MATN2: variants seen among roughly 807,000 people sequenced by gnomAD.
The protein encoded by MATN2 is matrilin-2.
MATN2 carries 69 observed loss-of-function variants against 103.2 expected under a neutral mutation model. The ratio of observed to expected loss-of-function variants is 0.67; its 90% CI spans 0.55 to 0.82. The LOEUF (loss-of-function observed/expected upper bound fraction) is 0.82. Ranked by LOEUF, MATN2 falls within the 40% of genes least tolerant of loss-of-function variation. MATN2 has a pLI of 0.00. For synonymous variants in MATN2, 429 were observed against 450.2 expected, an observed-to-expected ratio of 0.95 and a Z score of 0.60; for missense variants, 1,023 against 1,211.5, an observed-to-expected ratio of 0.84 and a Z score of 2.31.
At chr8:97,974,560 C>T (rs1156641261) in intron 5 of MATN2, among the ~76,000 whole-genome samples, 5 of 152,136 alleles carry the variant, frequency 3.3e-5, no homozygotes, top group Non-Finnish European at 7.3e-5. Flanking sequence ...GATTCTGCTG[C>T]TTCAGTCTCC....
chr8:98,027,137 G>C (rs1262657378), intron 13 of MATN2, among the ~76,000 whole-genome samples: 8 of 151,868 alleles, frequency 5.3e-5, no homozygotes, highest in Non-Finnish European at 1.0e-4. Context: ...AGTGTTCCAG[G>C]GTACAATGTA....
intron 5 of MATN2, among the ~76,000 whole-genome samples, chr8:97,973,755 A>T (rs930916767): frequency 1.3e-5 from 2 of 151,958 alleles, no homozygotes; most frequent in African/African-American, 4.8e-5. Context: ...TTTTTTGTAG[A>T]GATGGGGTCT....
Position 97,931,134 on chromosome 8 carries a change from G to C in MATN2, c.324G>C (p.Glu108Asp), listed in dbSNP as rs200323821. Residue 108 changes from glutamate (E) to aspartate (D), a missense_variant, in exon 3 of 19, where the codon GAG becomes GAC. Transcript: ENST00000254898. The surrounding 1 kb of genome is among the most constrained non-coding windows in gnomAD (Gnocchi z 4.1). Reference protein sequence around the residue: ...LLQYGSTVKNEFSLKTFKRKS... With the variant: ...LLQYGSTVKNDFSLKTFKRKS... The stretch of plus-strand genomic sequence containing the variant: ...AATATGGCAGCACTGTCAAGAATGA[G>C]TTCTCCCTCAAGACCTTCAAGAGGA... The C allele has an allele frequency of 4.4e-4, 706 of 1,614,018 alleles. 1 individual carries two copies. The highest frequency in any genetic ancestry group is 5.7e-4 in the Non-Finnish European group (676 of 1,179,878).
rs749414203 is a variant in MATN2 at position 98,007,241 on chromosome 8, C to T, written c.1450+14C>T. On this transcript the variant is annotated intron_variant, in intron 9 of 18. Transcript: ENST00000254898. The surrounding 1 kb of genome is among the most constrained non-coding windows in gnomAD (Gnocchi z 4.2). ...AGACCTGCTCCCGTGAGTCCCTCCG[C>T]GCTCCTCTCATAGGGGAAGGTTTGC... The T allele has an allele frequency of 8.7e-6, 14 of 1,613,500 alleles. No individual in the cohort carries two copies. The highest frequency in any genetic ancestry group is 6.7e-5 in the East Asian group (3 of 44,884).
chr8:97,888,373 G>T (rs1818517334), intron 2 of MATN2, 131 bp downstream of exon 2: 1 of 1,083,342 alleles, frequency 9.2e-7, no homozygotes, highest in Admixed American at 3.9e-5. Flanking sequence ...TGGGCCTGGG[G>T]TCCTCACTGG....
At chr8:97,876,762 G>A (rs1416724271) in intron 1 of MATN2, among the ~76,000 whole-genome samples, 2 of 152,026 alleles carry the variant, frequency 1.3e-5, no homozygotes, top group Non-Finnish European at 2.9e-5. Flanking sequence ...CAGAATCCCC[G>A]CTCAGGCTCT....
chr8:97,891,618 G>A (rs76604990), intron 2 of MATN2, among the ~76,000 whole-genome samples: 6,811 of 152,136 alleles, frequency 0.045, 202 homozygotes, highest in African/African-American at 0.084. Flanking sequence ...GATTCTAGGC[G>A]TGAGCCACTG....
chr8:97,873,672 G>A (rs1367990021), intron 1 of MATN2, among the ~76,000 whole-genome samples: 1 of 152,164 alleles, frequency 6.6e-6, no homozygotes, highest in African/African-American at 2.4e-5. Flanking sequence ...GACCAGAGGG[G>A]TCAAGGCTAT....
intron 4 of MATN2, among the ~76,000 whole-genome samples, chr8:97,958,712 G>T (rs537636654): frequency 6.6e-6 from 1 of 152,190 alleles, no homozygotes; most frequent in South Asian, 2.1e-4. Flanking sequence ...TCCCAGGCCT[G>T]AGAGGATCTG....
rs776076821 is a variant in MATN2 at position 98,016,673 on chromosome 8, A to G, written c.1696+11A>G. ...GAAAAACCTGCAGAAGTAAGTTTGT[A>G]CTGGAGCTGGCTCCTACTACTATGC... On this transcript the variant is annotated intron_variant, in intron 11 of 18. Transcript: ENST00000254898. The G allele has an allele frequency of 5.6e-6, 9 of 1,608,690 alleles. No individual in the cohort carries two copies. Among genetic ancestry groups the G allele is most frequent in the Admixed American group, 1.7e-5 (1 of 59,428 alleles).
chr8:97,870,919 C>T (rs553227429), intron 1 of MATN2, among the ~76,000 whole-genome samples: 1 of 152,324 alleles, frequency 6.6e-6, no homozygotes, highest in South Asian at 2.1e-4. Flanking sequence ...TCCTATCTGT[C>T]CACACTTTTT....
At chr8:98,029,233 C>A (rs1243953857) in intron 14 of MATN2, among the ~76,000 whole-genome samples, 1 of 152,190 alleles carries the variant, frequency 6.6e-6, no homozygotes, top group Non-Finnish European at 1.5e-5. Flanking sequence ...TGCCCTGAAT[C>A]ATCTGGATAG....
At chr8:98,008,390 C>T (rs1472134197) in intron 10 of MATN2, among the ~76,000 whole-genome samples, 1 of 152,188 alleles carries the variant, frequency 6.6e-6, no homozygotes, top group Non-Finnish European at 1.5e-5. Flanking sequence ...AAAAGGACCA[C>T]CATTTATCTT....
intron 10 of MATN2, among the ~76,000 whole-genome samples, chr8:98,012,934 G>T (rs192454494): frequency 2.7e-4 from 41 of 152,290 alleles, no homozygotes; most frequent in Non-Finnish European, 4.9e-4. Flanking sequence ...TGAACTTCCA[G>T]CACCCAAACA....
chr8:97,915,965 G>C (rs1220267877), intron 2 of MATN2, among the ~76,000 whole-genome samples: 1 of 152,008 alleles, frequency 6.6e-6, no homozygotes, highest in Non-Finnish European at 1.5e-5. Context: ...GTTTGATAGA[G>C]AATATCAAAA....
intron 3 of MATN2, among the ~76,000 whole-genome samples, chr8:97,933,765 C>G (rs1810280481): frequency 6.6e-6 from 1 of 152,144 alleles, no homozygotes; most frequent in Non-Finnish European, 1.5e-5. Flanking sequence ...CTGCAGGAGA[C>G]AGGGCTGCTG....
chr8:97,925,162 C>T (rs1809950439), intron 2 of MATN2, among the ~76,000 whole-genome samples: 2 of 151,940 alleles, frequency 1.3e-5, no homozygotes, highest in South Asian at 2.1e-4. Flanking sequence ...AGGTACACAG[C>T]GGGTGGATTG....
chr8:97,928,588 T>A (rs1181804756), intron 2 of MATN2, among the ~76,000 whole-genome samples: 1 of 152,150 alleles, frequency 6.6e-6, no homozygotes, highest in African/African-American at 2.4e-5. Context: ...AGGGCTTGGC[T>A]GGATTTCAGT....
In MATN2 at chr8:97,920,935, G is replaced by A. The variant is rs1809786586; in HGVS notation, c.143-10018G>A. ...GGTGTCGGTCACAGATGCCAGGGCTGGGGACATGGGGGTGACATGCAAGGC... is the reference window on the plus strand; with the variant it reads ...GGTGTCGGTCACAGATGCCAGGGCTAGGGACATGGGGGTGACATGCAAGGC... On this transcript the variant is annotated intron_variant, in intron 2 of 18. Coordinates refer to ENST00000254898, the MANE Select transcript of MATN2 (RefSeq NM_002380.5). Among the ~76,000 whole-genome samples the A allele has an allele frequency of 2.0e-5, 3 of 152,300 alleles. No homozygotes were observed. The South Asian group carries it at 6.2e-4, about 32-fold the overall frequency.
Sources: gnomAD v4.1 joint callset for allele counts (sites outside exome capture counted in the v4.1 genomes callset) on GRCh38, gnomAD v4.1.1 for gene constraint, Gnocchi (gnomAD v3.1) non-coding constraint, MANE v1.5 for transcripts, NCBI Gene and HGNC (gene_info 2026-07-23, HGNC 2026-07-21) for gene names.